The following KIFAP3 variants were observed in gnomAD, a reference collection of about 807,000 sequenced individuals.
KIFAP3 encodes kinesin-associated protein 3.
A neutral mutation model predicts 106.5 loss-of-function variants in KIFAP3; 68 were observed. The ratio of observed to expected loss-of-function variants is 0.64; its 90% confidence interval spans 0.53 to 0.78. KIFAP3 has a LOEUF of 0.78. Ranked by LOEUF, KIFAP3 falls within the 30% of genes least tolerant of loss-of-function variation. The pLI is 0.00. For synonymous variants in KIFAP3, 320 were observed against 311.5 expected, an observed-to-expected ratio of 1.03 and a Z score of -0.29; for missense variants, 780 against 941.8, an observed-to-expected ratio of 0.83 and a Z score of 2.25.
At chr1:169,990,106 G>A (rs1407050716) in intron 11 of KIFAP3, 27 of 1,463,514 alleles carry the variant, frequency 1.8e-5, no homozygotes, top group East Asian at 9.8e-5. Flanking sequence ...AAGGAAAATA[G>A]AGCGATTTAC....
chr1:170,055,459 T>C (rs769604449), intron 1 of KIFAP3, 23 bp from the exon 2 acceptor site: 1 of 1,535,420 alleles, frequency 6.5e-7, no homozygotes, highest in Non-Finnish European at 8.8e-7. Context: ...ATTGAAATGA[T>C]ATAACCAGAT....
intron 9 of KIFAP3, among the ~76,000 whole-genome samples, chr1:170,023,690 C>T (rs1201422576): frequency 6.6e-6 from 1 of 151,892 alleles, no homozygotes; most frequent in African/African-American, 2.4e-5. Flanking sequence ...TTTTTAATGA[C>T]ATGGTAAAAA....
chr1:170,039,158 G>T, intron 4 of KIFAP3, 75 bp downstream of exon 4: 1 of 757,990 alleles, frequency 1.3e-6, no homozygotes, highest in Non-Finnish European at 2.2e-6. Flanking sequence ...TAATGTGATT[G>T]TGTGTATTAT....
intron 15 of KIFAP3, among the ~76,000 whole-genome samples, chr1:169,978,818 CAG>C (rs1324821922): frequency 6.6e-6 from 1 of 151,974 alleles, no homozygotes; most frequent in Non-Finnish European, 1.5e-5. Flanking sequence ...ATTTTAGAAA[CAG>C]AGTTTCAGGT....
At chr1:170,005,967 C>T (rs1283915567) in intron 10 of KIFAP3, among the ~76,000 whole-genome samples, 1 of 151,992 alleles carries the variant, frequency 6.6e-6, no homozygotes, top group Non-Finnish European at 1.5e-5. Context: ...ACCATTAGCC[C>T]CCTCGAGTCT....
intron 2 of KIFAP3, among the ~76,000 whole-genome samples, chr1:170,054,467 C>G (rs777960580): frequency 3.3e-5 from 5 of 152,040 alleles, no homozygotes; most frequent in Admixed American, 6.6e-5. Context: ...GGGCATATAC[C>G]CAAAATATTA....
At chr1:170,062,132 T>C (rs1671194356) in intron 1 of KIFAP3, among the ~76,000 whole-genome samples, 1 of 150,882 alleles carries the variant, frequency 6.6e-6, no homozygotes, top group South Asian at 2.1e-4. Flanking sequence ...CTGCACGTTG[T>C]GCACATGTAC....
chr1:170,083,914 T>C (rs1244395636), intron 1 of KIFAP3, among the ~76,000 whole-genome samples: 1 of 152,216 alleles, frequency 6.6e-6, no homozygotes, highest in Non-Finnish European at 1.5e-5. Context: ...ATGATGATGT[T>C]ATTATTATTT....
intron 10 of KIFAP3, among the ~76,000 whole-genome samples, chr1:170,000,423 T>C (rs955469648): frequency 3.9e-5 from 6 of 152,146 alleles, no homozygotes; most frequent in Non-Finnish European, 2.9e-5. Flanking sequence ...AAAGTCTATA[T>C]GAATACAACG....
rs201764511 is a variant in KIFAP3 at position 169,978,104 on chromosome 1, G to T, written c.1878C>A (p.Asp626Glu). 1.2e-6 allele frequency: 2 copies of T among 1,605,642 alleles called. No individual in the cohort carries two copies. Among genetic ancestry groups the T allele is most frequent in the Admixed American group, 1.7e-5 (1 of 59,886 alleles). The change falls in exon 16 of 20, where the codon GAC (aspartate) becomes GAA (glutamate). Residue 626 changes from aspartate (D) to glutamate (E), a missense_variant. Asp to Glu is a conservative substitution (Grantham distance 45). Around this residue, in one of 3 missense-constraint regions of KIFAP3, gnomAD observed 78 missense variants for 140.6 expected, o/e 0.55. Coordinates refer to ENST00000361580, the MANE Select transcript of KIFAP3 (RefSeq NM_014970.4). ...GGATACGTGTTTCCTTGATTATGAC[G>T]TCTCTTGTGGCTTGGTGGAAAACCA... ...YQMVFHQATR[D>E]VIIKETQAPA...
chr1:170,032,030 A>G (rs1308697992), intron 7 of KIFAP3, 46 bp from the exon 8 acceptor site: 1 of 1,055,774 alleles, frequency 9.5e-7, no homozygotes, highest in South Asian at 1.4e-5. Context: ...AAGCAAAAAA[A>G]ATCTACTGAT....
At chr1:170,080,404 T>C (rs181588982) in intron 1 of KIFAP3, among the ~76,000 whole-genome samples, 1 of 152,198 alleles carries the variant, frequency 6.6e-6, no homozygotes, top group Admixed American at 6.5e-5. Context: ...TTTTACAAAT[T>C]GACAGGTTGA....
At chr1:169,951,055 G>A (rs1227782728) in intron 19 of KIFAP3, among the ~76,000 whole-genome samples, 1 of 151,936 alleles carries the variant, frequency 6.6e-6, no homozygotes, top group Middle Eastern at 3.4e-3. Context: ...AATGATTCCA[G>A]AGTAAGTCAG....
chr1:170,009,423 A>ATTT (rs1226025215), intron 10 of KIFAP3, among the ~76,000 whole-genome samples: 1 of 152,122 alleles, frequency 6.6e-6, no homozygotes, highest in Non-Finnish European at 1.5e-5. Context: ...TATTATTATT[A>ATTT]TTATTATGTA....
chr1:170,065,695 T>C (rs1013868908), intron 1 of KIFAP3, among the ~76,000 whole-genome samples: 1 of 150,948 alleles, frequency 6.6e-6, no homozygotes, highest in Non-Finnish European at 1.5e-5. Context: ...TGCTGTCTGA[T>C]ACAATAGTCA....
intron 18 of KIFAP3, 103 bp downstream of exon 18, chr1:169,960,943 A>G (rs1665295281): frequency 1.3e-6 from 1 of 775,132 alleles, no homozygotes; most frequent in East Asian, 2.7e-5. Context: ...CCATTCATAA[A>G]CTAAAAGAAG....
intron 1 of KIFAP3, among the ~76,000 whole-genome samples, chr1:170,061,101 G>C (rs920659122): frequency 1.3e-5 from 2 of 152,158 alleles, no homozygotes; most frequent in Non-Finnish European, 2.9e-5. Context: ...CTCAGGCATG[G>C]GCAAGGACTT....
intron 2 of KIFAP3, among the ~76,000 whole-genome samples, chr1:170,048,348 A>AT (rs919245888): frequency 7.2e-6 from 1 of 137,988 alleles, no homozygotes; most frequent in African/African-American, 2.7e-5. Context: ...ATTTTATTAT[A>AT]TTTTTATATA....
At chr1:170,037,002 C>A (rs1215139790) in intron 5 of KIFAP3, among the ~76,000 whole-genome samples, 1 of 152,068 alleles carries the variant, frequency 6.6e-6, no homozygotes, top group Admixed American at 6.6e-5. Context: ...TGTGCAAGAC[C>A]AGTAAAGCCA....
Sources: allele counts gnomAD v4.1 joint callset (sites outside exome capture counted in the v4.1 genomes callset), GRCh38; gene constraint gnomAD v4.1.1; regional missense constraint gnomAD v4.1.1; transcripts MANE v1.5; gene names NCBI Gene and HGNC (gene_info 2026-07-23, HGNC 2026-07-21).